The following CDK5RAP2 variants were observed in gnomAD, a reference collection of about 807,000 sequenced individuals.
The protein encoded by CDK5RAP2 is CDK5 regulatory subunit associated protein 2.
Under a neutral mutation model 232.9 loss-of-function variants are expected in CDK5RAP2, and 147 were observed. That is an observed-to-expected ratio of 0.63 (90% CI 0.55 to 0.72). The LOEUF is 0.72. Ranked by LOEUF, CDK5RAP2 falls within the 30% of genes least tolerant of loss-of-function variation. The pLI is 0.00. For synonymous variants in CDK5RAP2, 833 were observed against 833.7 expected (o/e 1.00, Z 0.01); for missense variants, 2,195 against 2,231.5 (o/e 0.98, Z 0.33).
chr9:120,455,879 T>G (rs972241872), intron 20 of CDK5RAP2, among the ~76,000 whole-genome samples: 1 of 152,022 alleles, frequency 6.6e-6, no homozygotes, highest in Non-Finnish European at 1.5e-5. Flanking sequence ...TAAAAAATAG[T>G]GTAAGGTACA....
At chr9:120,479,924 T>C (rs1241979401) in intron 14 of CDK5RAP2, among the ~76,000 whole-genome samples, 1 of 152,190 alleles carries the variant, frequency 6.6e-6, no homozygotes, top group Non-Finnish European at 1.5e-5. Context: ...TACAGGAGAA[T>C]GTTCCTGTTT....
intron 12 of CDK5RAP2, among the ~76,000 whole-genome samples, chr9:120,500,547 T>C (rs998686364): frequency 6.6e-6 from 1 of 152,276 alleles, no homozygotes; most frequent in African/African-American, 2.4e-5. Context: ...CATTCTTTGA[T>C]TGCCAATCAT....
In CDK5RAP2 at chr9:120,419,776, G is replaced by A. The variant is rs759196545; in HGVS notation, c.4177+12C>T. ...AGGCCATGTTTAAAACACTTAATGA[G>A]GCTTAGCTTACCTTGAGAAAAACTG... On this transcript the variant is annotated intron_variant, in intron 27 of 37. Transcript: ENST00000349780. The A allele has an allele frequency of 6.2e-7, 1 of 1,605,190 alleles. No homozygotes were observed. The highest frequency in any genetic ancestry group is 8.5e-7 in the Non-Finnish European group (1 of 1,171,948).
At chr9:120,508,135 A>G (rs1039448395) in intron 12 of CDK5RAP2, among the ~76,000 whole-genome samples, 5 of 151,942 alleles carry the variant, frequency 3.3e-5, no homozygotes, top group Non-Finnish European at 7.4e-5. Context: ...ATCAGGTTTC[A>G]CTGCGAGAAA....
At chr9:120,531,519 C>T (rs1022677088) in intron 7 of CDK5RAP2, among the ~76,000 whole-genome samples, 1 of 152,126 alleles carries the variant, frequency 6.6e-6, no homozygotes, top group African/African-American at 2.4e-5. Context: ...ATAGGGGTGA[C>T]TTGTGATTGT....
chr9:120,461,952 A>G (rs1410409737), intron 18 of CDK5RAP2, among the ~76,000 whole-genome samples: 1 of 152,264 alleles, frequency 6.6e-6, no homozygotes, highest in Admixed American at 6.5e-5. Context: ...TTCTAGCTCA[A>G]GTTTTATTTC....
chr9:120,531,383 A>T (rs2041147305), intron 7 of CDK5RAP2, among the ~76,000 whole-genome samples: 1 of 152,046 alleles, frequency 6.6e-6, no homozygotes, highest in Non-Finnish European at 1.5e-5. Context: ...GAACAGCTGA[A>T]CACATCCCTC....
chr9:120,530,079 C>CT lies in CDK5RAP2; in HGVS notation c.723dup (p.Glu242ArgfsTer10). 6.2e-7 allele frequency: 1 copy of CT among 1,614,000 alleles called. No homozygotes were observed. Among genetic ancestry groups the CT allele is most frequent in the Non-Finnish European group, 8.5e-7 (1 of 1,179,894 alleles). ...GGACATGCCATCTGAGATTTCTCCT[C>CT]TTTAAGGCACTGAATTAAAGCTTCT... On this transcript the variant is annotated frameshift_variant, in exon 8 of 38. Coordinates refer to ENST00000349780, the MANE Select transcript of CDK5RAP2 (RefSeq NM_018249.6). LOFTEE classifies it high-confidence loss of function.
At chr9:120,458,736 T>A in intron 19 of CDK5RAP2, 114 bp from the exon 20 acceptor site, 1 of 922,632 alleles carries the variant, frequency 1.1e-6, no homozygotes, top group Non-Finnish European at 1.7e-6. Context: ...CCAGACACAC[T>A]GAGCCAGAGA....
chr9:120,427,515 T>C (rs900613548), intron 25 of CDK5RAP2, among the ~76,000 whole-genome samples: 1 of 152,180 alleles, frequency 6.6e-6, no homozygotes, highest in African/African-American at 2.4e-5. Context: ...AAAGGTCTTG[T>C]TCTTTCTAAC....
At chr9:120,458,727 C>G in intron 19 of CDK5RAP2, 105 bp from the exon 20 acceptor site, 1 of 1,003,412 alleles carries the variant, frequency 1.0e-6, no homozygotes, top group Non-Finnish European at 1.6e-6. Context: ...GAAAATAAGC[C>G]AGACACACTG....
chr9:120,534,205 T>C (rs2041286759), intron 7 of CDK5RAP2, among the ~76,000 whole-genome samples: 1 of 152,008 alleles, frequency 6.6e-6, no homozygotes, highest in Admixed American at 6.6e-5. Flanking sequence ...CCTCACCTCT[T>C]CCCCACTCCT....
Position 120,467,912 on chromosome 9 carries a change from C to A in CDK5RAP2, c.2054G>T (p.Gly685Val), listed in dbSNP as rs2037473915. 1 of 1,614,136 alleles carries A rather than the reference C, an allele frequency of 6.2e-7. No homozygotes were observed. Among genetic ancestry groups the A allele is most frequent in the African/African-American group, 1.3e-5 (1 of 75,034 alleles). The stretch of plus-strand genomic sequence containing the variant: ...ATCTGGAAACCCATTTCCCTGGAAA[C>A]CCATGCAGGAGAGATCAAAAATGGT... ...KKTIFDLSCMGFQGNGFPDRL... is the reference protein window; with the variant it reads ...KKTIFDLSCMVFQGNGFPDRL... Residue 685 changes from glycine to valine, a missense_variant, in exon 18 of 38, where the codon GGT becomes GTT. Physicochemically the swap from Gly to Val is moderately radical, Grantham distance 109. Coordinates refer to ENST00000349780, the MANE Select transcript of CDK5RAP2 (RefSeq NM_018249.6).
chr9:120,422,119 T>A (rs983240823), intron 26 of CDK5RAP2, among the ~76,000 whole-genome samples: 3 of 152,248 alleles, frequency 2.0e-5, no homozygotes, highest in African/African-American at 7.2e-5. Flanking sequence ...AATGTAATTA[T>A]GTCCAAGTGC....
intron 12 of CDK5RAP2, among the ~76,000 whole-genome samples, chr9:120,496,796 G>A (rs1272323843): frequency 7.3e-6 from 1 of 136,420 alleles, no homozygotes. Flanking sequence ...GGGGGGGTCA[G>A]CCCCCCTGCC....
intron 1 of CDK5RAP2, among the ~76,000 whole-genome samples, chr9:120,574,135 G>A (rs531915778): frequency 9.2e-5 from 14 of 152,326 alleles, no homozygotes; most frequent in Non-Finnish European, 1.6e-4. Context: ...ACTGAAGTTT[G>A]AAAAATGACA....
At chr9:120,438,848 A>T (rs569747173) in intron 24 of CDK5RAP2, among the ~76,000 whole-genome samples, 61 of 152,318 alleles carry the variant, frequency 4.0e-4, no homozygotes, top group African/African-American at 1.2e-3. Context: ...CATTTTTGCC[A>T]TATCTCATGA....
intron 30 of CDK5RAP2, among the ~76,000 whole-genome samples, chr9:120,408,752 C>A (rs765465960): frequency 6.6e-6 from 1 of 152,272 alleles, no homozygotes; most frequent in Non-Finnish European, 1.5e-5. Flanking sequence ...TCCAGATACA[C>A]TGCCCTGCTC....
intron 25 of CDK5RAP2, among the ~76,000 whole-genome samples, chr9:120,437,072 G>A (rs1031374736): frequency 6.6e-6 from 1 of 152,160 alleles, no homozygotes; most frequent in African/African-American, 2.4e-5. Flanking sequence ...CCCGGCCCCT[G>A]AGGCGTCTAA....
Sources: allele counts gnomAD v4.1 joint callset (sites outside exome capture counted in the v4.1 genomes callset), GRCh38; gene constraint gnomAD v4.1.1; transcripts MANE v1.5; gene names NCBI Gene and HGNC (gene_info 2026-07-23, HGNC 2026-07-21).